Variants in MAGI1 observed in about 807,000 individuals in gnomAD.
MAGI1 encodes membrane-associated guanylate kinase, WW and PDZ domain-containing protein 1.
In MAGI1, 58 loss-of-function variants were observed where a neutral mutation model predicts 139.9. The observed-to-expected ratio is 0.41, with a 90% CI of 0.34 to 0.52. The LOEUF (loss-of-function observed/expected upper bound fraction) is 0.52, where lower values mean the gene tolerates loss of function less well. MAGI1 is among the 20% of genes least tolerant of loss of function. The pLI is 0.12. For missense variants in MAGI1, 1,874 were observed against 1,901.6 expected, an observed-to-expected ratio of 0.99 and a Z score of 0.27; for synonymous variants, 812 against 737.9, an observed-to-expected ratio of 1.10 and a Z score of -1.63.
Position 65,421,150 on chromosome 3 carries a change from A to G in MAGI1, c.2167+8370T>C, listed in dbSNP as rs78599426. Among the ~76,000 whole-genome samples the G allele has an allele frequency of 2.0e-5, 3 of 152,344 alleles. No individual in the cohort carries two copies. In the East Asian group the frequency reaches 5.8e-4, roughly 29 times the overall value. On this transcript the variant is annotated intron_variant, in intron 12 of 22. Transcript: ENST00000402939. ...TCTCTTGCTGTAAGTCATCTCAAAT[A>G]TAAATGTGACCTGTCACTCTACAAA...
At chr3:65,876,123 A>G (rs1259720354) in intron 1 of MAGI1, among the ~76,000 whole-genome samples, 1 of 150,938 alleles carries the variant, frequency 6.6e-6, no homozygotes, top group African/African-American at 2.5e-5. Context: ...AAGAAAATTA[A>G]GCAAAAAAAA....
chr3:65,579,979 C>T (rs2081345201), intron 2 of MAGI1, among the ~76,000 whole-genome samples: 1 of 152,070 alleles, frequency 6.6e-6, no homozygotes, highest in Non-Finnish European at 1.5e-5. Context: ...AACAATTTCA[C>T]ATGATCTTAT....
At chr3:65,847,925 C>A (rs1332080800) in intron 1 of MAGI1, among the ~76,000 whole-genome samples, 2 of 152,132 alleles carry the variant, frequency 1.3e-5, no homozygotes, top group Non-Finnish European at 2.9e-5. Flanking sequence ...GTCCCGGCAA[C>A]TTGAGAGACT....
chr3:65,895,176 G>A (rs1011812935), intron 1 of MAGI1, among the ~76,000 whole-genome samples: 1 of 152,174 alleles, frequency 6.6e-6, no homozygotes, highest in Non-Finnish European at 1.5e-5. Flanking sequence ...TAACTAAAAT[G>A]CCAGACATAA....
intron 2 of MAGI1, among the ~76,000 whole-genome samples, chr3:65,597,141 T>G (rs997999782): frequency 1.3e-5 from 2 of 151,956 alleles, no homozygotes; most frequent in African/African-American, 4.8e-5. Flanking sequence ...TGCTGGAGCC[T>G]ATTAATATGC....
intron 1 of MAGI1, among the ~76,000 whole-genome samples, chr3:65,633,572 T>C (rs2084431033): frequency 6.6e-6 from 1 of 152,206 alleles, no homozygotes; most frequent in South Asian, 2.1e-4. Flanking sequence ...GTGAATCTTT[T>C]TATTATAAAT....
At chr3:65,439,751 T>C in intron 9 of MAGI1, 128 bp downstream of exon 9, 1 of 1,541,350 alleles carries the variant, frequency 6.5e-7, no homozygotes, top group East Asian at 2.3e-5. Context: ...CCACAGGACA[T>C]CAGCTCTTCA....
chr3:65,716,463 A>G (rs576158078), intron 1 of MAGI1, among the ~76,000 whole-genome samples: 18 of 152,340 alleles, frequency 1.2e-4, no homozygotes, highest in Admixed American at 1.1e-3. Context: ...AATGAGGGGA[A>G]GGGAAGAGCA....
At chr3:65,766,069 T>A (rs920602309) in intron 1 of MAGI1, among the ~76,000 whole-genome samples, 1 of 152,220 alleles carries the variant, frequency 6.6e-6, no homozygotes, top group Non-Finnish European at 1.5e-5. Flanking sequence ...TGCTTGTTTA[T>A]TTAACAGCTA....
At chr3:65,587,138 T>C (rs924331303) in intron 2 of MAGI1, among the ~76,000 whole-genome samples, 3 of 152,190 alleles carry the variant, frequency 2.0e-5, no homozygotes, top group Non-Finnish European at 4.4e-5. Context: ...AAGACTTTGC[T>C]ACTTTTTTCT....
At chr3:65,518,556 A>C (rs2078006056) in intron 2 of MAGI1, among the ~76,000 whole-genome samples, 1 of 152,156 alleles carries the variant, frequency 6.6e-6, no homozygotes, top group Non-Finnish European at 1.5e-5. Context: ...CTGTACCCTA[A>C]ATTCCTTGAT....
rs915219162 is a variant in MAGI1 at position 66,008,063 on chromosome 3, A to C, written c.313+29933T>G. 2.6e-5 allele frequency among the ~76,000 whole-genome samples: 4 copies of C among 151,956 alleles called. No homozygotes were observed. The South Asian group carries it at 6.3e-4, about 24-fold the overall frequency. ...AGGCATGTGCCACCATGCCCAGCTA[A>C]TTTGTGTATTTTTAGTACAGATGGG... On this transcript the variant is annotated intron_variant, in intron 1 of 22. Transcript: ENST00000402939.
At chr3:65,610,200 T>C (rs1035758515) in intron 2 of MAGI1, among the ~76,000 whole-genome samples, 1 of 152,090 alleles carries the variant, frequency 6.6e-6, no homozygotes, top group Non-Finnish European at 1.5e-5. Flanking sequence ...TGGAATGGGG[T>C]ATCTAATTCT....
chr3:65,612,233 T>A (rs1480924227), intron 2 of MAGI1, among the ~76,000 whole-genome samples: 2 of 152,064 alleles, frequency 1.3e-5, no homozygotes, highest in African/African-American at 2.4e-5. Context: ...ATAGAAAATA[T>A]CAAATTTACA....
chr3:65,529,253 T>C (rs1351679774), intron 2 of MAGI1, among the ~76,000 whole-genome samples: 1 of 152,192 alleles, frequency 6.6e-6, no homozygotes, highest in Non-Finnish European at 1.5e-5. Flanking sequence ...AATTTTAAAT[T>C]GTATAATTCA....
At chr3:65,724,920 C>G (rs1368918326) in intron 1 of MAGI1, among the ~76,000 whole-genome samples, 1 of 152,128 alleles carries the variant, frequency 6.6e-6, no homozygotes, top group Non-Finnish European at 1.5e-5. Context: ...GTCCCTCCCA[C>G]AACACTCGGG....
intron 1 of MAGI1, among the ~76,000 whole-genome samples, chr3:65,870,947 A>AT (rs1466368124): frequency 1.3e-5 from 2 of 151,024 alleles, no homozygotes; most frequent in Non-Finnish European, 3.0e-5. Flanking sequence ...TAAGTACAAA[A>AT]TTTTTTTTTG....
At chr3:65,900,549 A>G (rs552193242) in intron 1 of MAGI1, among the ~76,000 whole-genome samples, 7 of 152,340 alleles carry the variant, frequency 4.6e-5, no homozygotes, top group African/African-American at 1.4e-4. Flanking sequence ...AACACCACAC[A>G]TATAAATACT....
At chr3:65,495,595 G>A (rs1287060488) in intron 2 of MAGI1, among the ~76,000 whole-genome samples, 1 of 152,152 alleles carries the variant, frequency 6.6e-6, no homozygotes, top group African/African-American at 2.4e-5. Context: ...GTTACTGTGA[G>A]ACACAGAAAA....
Sources: gnomAD v4.1 joint callset for allele counts (sites outside exome capture counted in the v4.1 genomes callset) on GRCh38, gnomAD v4.1.1 for gene constraint, MANE v1.5 for transcripts, NCBI Gene and HGNC (gene_info 2026-07-23, HGNC 2026-07-21) for gene names.